Variants in WIPF1 observed in about 807,000 individuals in gnomAD.
The protein encoded by WIPF1 is WAS/WASL-interacting protein family member 1.
Under a neutral mutation model 35.4 loss-of-function variants are expected in WIPF1, and 13 were observed. That is an observed-to-expected ratio of 0.37 (90% CI 0.24 to 0.58). The LOEUF (loss-of-function observed/expected upper bound fraction) is 0.58, where lower values mean the gene tolerates loss of function less well. WIPF1 is among the 20% of genes least tolerant of loss of function. WIPF1 has a pLI of 0.74. For missense variants in WIPF1, 591 were observed against 667.0 expected (o/e 0.89, Z 1.25); for synonymous variants, 267 against 266.3 (o/e 1.00, Z -0.02).
chr2:174,581,952 C>G (rs1431468863), intron 2 of WIPF1, among the ~76,000 whole-genome samples: 1 of 152,128 alleles, frequency 6.6e-6, no homozygotes, highest in Admixed American at 6.6e-5. Flanking sequence ...GTGTATATTG[C>G]CAAAGATGCT....
At chr2:174,599,954 G>T (rs1196905953), upstream of WIPF1, among the ~76,000 whole-genome samples, 2 of 152,212 alleles carry the variant, frequency 1.3e-5, no homozygotes, top group African/African-American at 4.8e-5. Flanking sequence ...TGGGGGCAGG[G>T]GGTGGGGATG....
At chr2:174,662,662 G>C (rs1041693979) in intron 1 of WIPF1, among the ~76,000 whole-genome samples, 1 of 152,222 alleles carries the variant, frequency 6.6e-6, no homozygotes, top group African/African-American at 2.4e-5. Flanking sequence ...CAGCAACCCA[G>C]ATGACTCAAA....
At chr2:174,682,681 G>T (rs1033713649) in intron 1 of WIPF1, 2 of 151,640 alleles carry the variant, frequency 1.3e-5, no homozygotes, top group African/African-American at 4.8e-5. Flanking sequence ...CGGCACTTCC[G>T]TGCCCCGCCG....
intron 1 of WIPF1, among the ~76,000 whole-genome samples, chr2:174,651,753 C>G (rs1433376077): frequency 6.6e-6 from 1 of 152,216 alleles, no homozygotes; most frequent in Admixed American, 6.5e-5. Flanking sequence ...GACCCCAAAA[C>G]TCAGCTAGAT....
intron 1 of WIPF1, among the ~76,000 whole-genome samples, chr2:174,586,278 G>A (rs935706444): frequency 1.3e-5 from 2 of 152,090 alleles, no homozygotes; most frequent in Non-Finnish European, 2.9e-5. Flanking sequence ...TTCCTCAGAG[G>A]ATCTAAGCGA....
intron 3 of WIPF1, among the ~76,000 whole-genome samples, chr2:174,579,229 A>G (rs910775766): frequency 2.0e-5 from 3 of 152,018 alleles, no homozygotes; most frequent in African/African-American, 7.3e-5. Context: ...GCCTCAGGTG[A>G]TCCCAGCCTC....
At chr2:174,646,832 C>T (rs1360108263) in intron 1 of WIPF1, among the ~76,000 whole-genome samples, 1 of 152,114 alleles carries the variant, frequency 6.6e-6, no homozygotes, top group African/African-American at 2.4e-5. Flanking sequence ...CTAGGTGGGT[C>T]TCGAACTCCT....
intron 1 of WIPF1, among the ~76,000 whole-genome samples, chr2:174,679,208 C>T (rs967872638): frequency 9.9e-5 from 15 of 152,118 alleles, no homozygotes; most frequent in Non-Finnish European, 1.6e-4. Flanking sequence ...CGGTGGCTCA[C>T]GGCTGTAATC....
At chr2:174,575,551 C>T (rs1235379254) in intron 3 of WIPF1, 171 bp from the exon 4 acceptor site, 22 of 1,168,542 alleles carry the variant, frequency 1.9e-5, no homozygotes, top group South Asian at 4.1e-5. Context: ...CAGAACTGCC[C>T]GCTCCAGGCA....
chr2:174,620,981 A>C (rs1273106193), intron 1 of WIPF1, among the ~76,000 whole-genome samples: 1 of 152,204 alleles, frequency 6.6e-6, no homozygotes, highest in Non-Finnish European at 1.5e-5. Flanking sequence ...GAGGCTGGAA[A>C]GGTGGTCTGG....
Position 174,571,966 on chromosome 2 carries a change from T to C in WIPF1, c.839A>G (p.Glu280Gly). ...PVGNRPSIHR[E>G]AVPPPPPQNN... ...CTGAGGAGGAGGAGGGGGAACCGCT[T>C]CCCTGTGGATGGAGGGCCTGTTGCC... The change falls in exon 5 of 8, where the codon GAA becomes GGA. Residue 280 changes from glutamate (E) to glycine (G), a missense_variant. Around this residue, in one of 3 missense-constraint regions of WIPF1, gnomAD observed 471 missense variants for 501.1 expected, o/e 0.94. Transcript: ENST00000679041. This position sits in a 1 kb window ranked among gnomAD's most constrained non-coding sequence, Gnocchi z 4.6. 1 of 1,563,996 alleles carries C rather than the reference T, an allele frequency of 6.4e-7. No homozygotes were observed. The highest frequency in any genetic ancestry group is 8.6e-7 in the Non-Finnish European group (1 of 1,157,104).
chr2:174,642,466 C>A (rs1687317629), intron 1 of WIPF1, among the ~76,000 whole-genome samples: 1 of 150,730 alleles, frequency 6.6e-6, no homozygotes, highest in South Asian at 2.1e-4. Flanking sequence ...CCTGCCTCAG[C>A]CTCCCGAGTA....
intron 1 of WIPF1, among the ~76,000 whole-genome samples, chr2:174,668,391 A>AT (rs1324211128): frequency 4.6e-5 from 7 of 150,916 alleles, no homozygotes; most frequent in South Asian, 2.1e-4. Flanking sequence ...GGGATGTTAC[A>AT]TTTTTTTTTA....
intron 1 of WIPF1, among the ~76,000 whole-genome samples, chr2:174,632,573 G>C (rs1355373276): frequency 6.6e-6 from 1 of 151,914 alleles, no homozygotes; most frequent in Non-Finnish European, 1.5e-5. Context: ...GCCACGTGTG[G>C]TGATGCATGC....
At chr2:174,666,655 A>T (rs774263104) in intron 1 of WIPF1, among the ~76,000 whole-genome samples, 16 of 152,234 alleles carry the variant, frequency 1.1e-4, no homozygotes, top group Non-Finnish European at 1.8e-4. Context: ...ACATTCCTTG[A>T]CCACTAAGAA....
chr2:174,623,581 T>C (rs901050668), intron 1 of WIPF1: 11 of 152,176 alleles, frequency 7.2e-5, no homozygotes, highest in African/African-American at 2.7e-4. Context: ...CAAATCTCAG[T>C]CTATGAACTA....
At chr2:174,563,045 A>G (rs1168325056) in intron 7 of WIPF1, among the ~76,000 whole-genome samples, 2 of 152,096 alleles carry the variant, frequency 1.3e-5, no homozygotes, top group African/African-American at 4.8e-5. Context: ...TACTCTTTGC[A>G]AAGATTATTA....
intron 1 of WIPF1, among the ~76,000 whole-genome samples, chr2:174,639,730 T>C (rs1687258109): frequency 6.6e-6 from 1 of 152,254 alleles, no homozygotes; most frequent in South Asian, 2.1e-4. Context: ...TTCCCATTTG[T>C]CTATTTTGGC....
rs370895575 is a variant in WIPF1, at chr2:174,585,597, G to C, written c.-24C>G. On this transcript the variant is annotated 5_prime_UTR_variant, in exon 2 of 8. Transcript: ENST00000679041. Reference sequence around the variant, plus strand: ...ATCTTGGGCAGTTATGCGTTCAACAGTCTTGCTGATAAATCTGGAAAAACA... The same window carrying C: ...ATCTTGGGCAGTTATGCGTTCAACACTCTTGCTGATAAATCTGGAAAAACA... 87 of 1,610,784 alleles carry C rather than the reference G, an allele frequency of 5.4e-5. No individual in the cohort carries two copies. The highest frequency in any genetic ancestry group is 7.1e-5 in the Non-Finnish European group (84 of 1,177,980).
Sources: allele counts gnomAD v4.1 joint callset (sites outside exome capture counted in the v4.1 genomes callset), GRCh38; gene constraint gnomAD v4.1.1; regional missense constraint gnomAD v4.1.1; non-coding constraint Gnocchi (gnomAD v3.1); transcripts MANE v1.5; gene names NCBI Gene and HGNC (gene_info 2026-07-23, HGNC 2026-07-21).